NEK4: variants seen among roughly 807,000 people sequenced by gnomAD.
The protein encoded by NEK4 is NIMA related kinase 4, also known as serine/threonine-protein kinase Nek4.
Under a neutral mutation model 98.4 loss-of-function variants are expected in NEK4, and 86 were observed. The ratio of observed to expected loss-of-function variants is 0.87; its 90% CI spans 0.73 to 1.05. The LOEUF (loss-of-function observed/expected upper bound fraction) is 1.05, where lower values mean the gene tolerates loss of function less well. Ranked by LOEUF, NEK4 falls within the 50% of genes least tolerant of loss-of-function variation. NEK4 has a pLI of 0.00. For synonymous variants in NEK4, 328 were observed against 342.2 expected, an observed-to-expected ratio of 0.96 and a Z score of 0.46; for missense variants, 898 against 950.3, an observed-to-expected ratio of 0.94 and a Z score of 0.72.
In NEK4 at chr3:52,739,430, T is replaced by C. The variant is rs751798746; in HGVS notation, c.2298A>G (p.Ser766=). The C allele has an allele frequency of 1.9e-5, 31 of 1,612,752 alleles. No individual in the cohort carries two copies. The highest frequency in any genetic ancestry group is 2.2e-5 in the East Asian group (1 of 44,880). Residue 766 remains serine, a splice_region_variant and synonymous_variant, in exon 14 of 16, where the codon TCA becomes TCG. Transcript: ENST00000233027. The part of the protein sequence containing the change: ...AEEIHFKELP[S]AIMPGSEKIR... ...AAAAAATAATAATAAGCTGATCACC[T>C]GAAGGTAGCTCTTTAAAATGGATTT...
intron 10 of NEK4, 76 bp from the exon 11 acceptor site, chr3:52,744,381 T>A (rs1304895004): frequency 1.8e-6 from 2 of 1,139,326 alleles, no homozygotes; most frequent in East Asian, 2.3e-5. Flanking sequence ...TGATGTATCA[T>A]TCAGCATTAA....
intron 15 of NEK4, among the ~76,000 whole-genome samples, chr3:52,712,525 T>G (rs4687644): frequency 0.46 from 69,508 of 152,078 alleles, 16,219 homozygotes; most frequent in African/African-American, 0.52. Context: ...TTGCCCTATC[T>G]CAAGGACAGA....
At chr3:52,744,554 C>T (rs545574343) in intron 10 of NEK4, among the ~76,000 whole-genome samples, 3 of 151,610 alleles carry the variant, frequency 2.0e-5, no homozygotes, top group Non-Finnish European at 4.4e-5. Flanking sequence ...CATGGTGGTG[C>T]GTGCCTGTAA....
intron 6 of NEK4, among the ~76,000 whole-genome samples, chr3:52,759,442 G>A (rs1578694091): frequency 6.6e-6 from 1 of 151,268 alleles, no homozygotes; most frequent in East Asian, 1.9e-4. Context: ...TTTCTCCAAA[G>A]AAGACATACA....
chr3:52,762,894 C>CA (rs1186245255), intron 5 of NEK4, among the ~76,000 whole-genome samples: 1 of 151,606 alleles, frequency 6.6e-6, no homozygotes, highest in African/African-American at 2.4e-5. Flanking sequence ...AAAAAACAAA[C>CA]AAAAAAAAGT....
intron 15 of NEK4, among the ~76,000 whole-genome samples, chr3:52,712,090 A>C (rs1356290573): frequency 2.0e-5 from 3 of 152,242 alleles, no homozygotes; most frequent in Non-Finnish European, 4.4e-5. Flanking sequence ...AACATTTGCA[A>C]CATTCATGCC....
intron 15 of NEK4, among the ~76,000 whole-genome samples, chr3:52,725,328 G>A (rs2097363517): frequency 1.3e-5 from 2 of 151,978 alleles, no homozygotes; most frequent in Non-Finnish European, 1.5e-5. Context: ...TGGCTAACAC[G>A]GTGAAACCCC....
At chr3:52,767,718 CA>C (rs891553191) in intron 2 of NEK4, among the ~76,000 whole-genome samples, 1 of 139,944 alleles carries the variant, frequency 7.1e-6, no homozygotes, top group Admixed American at 7.1e-5. Flanking sequence ...AACTCCGTCT[CA>C]AAAGAAAAAA....
At chr3:52,748,704 T>C (rs2097400335) in intron 8 of NEK4, among the ~76,000 whole-genome samples, 1 of 152,174 alleles carries the variant, frequency 6.6e-6, no homozygotes, top group East Asian at 1.9e-4. Flanking sequence ...ATGGATCTAA[T>C]ACCCACAGCC....
chr3:52,768,429 T>C lies in NEK4; in HGVS notation c.269A>G (p.Asp90Gly). 1 of 1,614,136 alleles carries C rather than the reference T, an allele frequency of 6.2e-7. No homozygotes were observed. Among genetic ancestry groups the C allele is most frequent in the Non-Finnish European group, 8.5e-7 (1 of 1,180,020 alleles). The change falls in exon 2 of 16, where the codon GAT becomes GGT. Residue 90 changes from aspartate to glycine, a missense_variant. Coordinates refer to ENST00000233027, the MANE Select transcript of NEK4 (RefSeq NM_003157.6). ...YIVMGFCEGGDLYRKLKEQKG... is the reference protein window; with the variant it reads ...YIVMGFCEGGGLYRKLKEQKG... The stretch of plus-strand genomic sequence containing the variant: ...CTGCTCCTTGAGCTTTCGGTACAAA[T>C]CACCTCCTTCACAGAAGCCCATGAC...
At position 52,766,253 on chromosome 3, in the gene NEK4, G is replaced by A. The variant is rs751041981; in HGVS notation, c.483C>T (p.Asp161=). Residue 161 remains aspartate (D), a synonymous_variant, in exon 3 of 16, where the codon GAC becomes GAT. Transcript: ENST00000233027. The part of the protein sequence containing the change: ...GIARVLENHC[D]MASTLIGTPY... ...GTGTGCCAATGAGGGTGCTAGCCAT[G>A]TCACAGTGGTTCTCTAACACTCGGG... The A allele has an allele frequency of 2.5e-5, 40 of 1,614,094 alleles. No homozygotes were observed. In the South Asian group the frequency reaches 4.4e-4, roughly 18 times the overall value.
At chr3:52,741,893 C>T (rs942639138) in intron 12 of NEK4, among the ~76,000 whole-genome samples, 1 of 152,102 alleles carries the variant, frequency 6.6e-6, no homozygotes, top group Non-Finnish European at 1.5e-5. Context: ...GATTTTCCTG[C>T]CTCAGCCTCC....
At chr3:52,732,983 C>G (rs1189509101) in intron 15 of NEK4, 7 of 219,192 alleles carry the variant, frequency 3.2e-5, no homozygotes, top group South Asian at 8.5e-5. Flanking sequence ...GAAAAGTTTA[C>G]AAACCATAGT....
chr3:52,770,556 T>C, intron 1 of NEK4, 98 bp downstream of exon 1: 3 of 877,296 alleles, frequency 3.4e-6, no homozygotes, highest in Non-Finnish European at 3.6e-6. Flanking sequence ...CCATCCGAGA[T>C]GAGCCTCTTG....
intron 6 of NEK4, among the ~76,000 whole-genome samples, chr3:52,757,563 A>AG (rs1283972671): frequency 1.5e-5 from 2 of 135,618 alleles, no homozygotes; most frequent in East Asian, 3.9e-4. Flanking sequence ...CTCAAAAAAA[A>AG]AAAAAAAAAG....
intron 15 of NEK4, among the ~76,000 whole-genome samples, chr3:52,721,576 A>T (rs11130319): frequency 0.36 from 54,800 of 151,452 alleles, 10,551 homozygotes; most frequent in Admixed American, 0.47. Context: ...AAAAAAAAAA[A>T]TTTTTTTTAA....
rs145428781 is a variant in NEK4 at position 52,751,863 on chromosome 3, C to T, written c.1368+69G>A. ...GATTTTCCTAAAATGACAACAGAAC[C>T]CACATATTTGTAACTGCACTTTCAG... is the stretch of plus-strand genomic sequence containing the variant. On this transcript the variant is annotated intron_variant, in intron 7 of 15. Transcript: ENST00000233027. 5.7e-6 allele frequency: 8 copies of T among 1,398,460 alleles called. 1 individual carries two copies. The East Asian group carries it at 1.8e-4, about 32-fold the overall frequency. The allele number at this position is 1,398,460 out of a possible 1,614,324, so 86.6% of individuals were successfully genotyped here. A position where few individuals can be genotyped will look rare whatever the true frequency, so the allele number is the denominator to read the frequency against.
At chr3:52,726,903 CAAAT>C (rs1012191439) in intron 15 of NEK4, among the ~76,000 whole-genome samples, 1 of 148,226 alleles carries the variant, frequency 6.7e-6, no homozygotes, top group Non-Finnish European at 1.5e-5. Flanking sequence ...GACTCCGTCT[CAAAT>C]AAATAAATAA....
chr3:52,743,614 T>C (rs1289030821), intron 11 of NEK4, among the ~76,000 whole-genome samples, 153 bp from the exon 12 acceptor site: 1 of 152,220 alleles, frequency 6.6e-6, no homozygotes, highest in East Asian at 1.9e-4. Context: ...GACACCTCAG[T>C]TGAAATCTTA....
Sources: gnomAD v4.1 joint callset for allele counts (sites outside exome capture counted in the v4.1 genomes callset) on GRCh38, gnomAD v4.1.1 for gene constraint, MANE v1.5 for transcripts, NCBI Gene and HGNC (gene_info 2026-07-23, HGNC 2026-07-21) for gene names.